The following NEBL variants were observed in gnomAD, a reference collection of about 807,000 sequenced individuals.
NEBL encodes LIM and SH3 protein 2.
NEBL carries 122 observed loss-of-function variants against 140.2 expected under a neutral mutation model. That is an observed-to-expected ratio of 0.87 (90% CI 0.75 to 1.01). NEBL has a LOEUF of 1.01. Among genes scored for constraint, NEBL ranks in the 50% least tolerant of loss-of-function variants. The pLI is 0.00. For missense variants in NEBL, 1,365 were observed against 1,231.3 expected (o/e 1.11, Z -1.62); for synonymous variants, 436 against 398.9 (o/e 1.09, Z -1.11).
chr10:20,812,144 C>A (rs1480630591), intron 24 of NEBL, among the ~76,000 whole-genome samples: 1 of 152,086 alleles, frequency 6.6e-6, no homozygotes, highest in Non-Finnish European at 1.5e-5. Flanking sequence ...ATAAAAGGAC[C>A]TAAACGCAAT....
chr10:21,193,102 A>G (rs1841599594), intron 3 of NEBL, among the ~76,000 whole-genome samples: 1 of 152,006 alleles, frequency 6.6e-6, no homozygotes. Flanking sequence ...AAATGCACTG[A>G]ACAAGCTCCC....
At chr10:21,172,346 C>T (rs1223197804) in intron 2 of NEBL, 2 of 1,512,348 alleles carry the variant, frequency 1.3e-6, no homozygotes, top group Non-Finnish European at 1.8e-6. Context: ...AGCTCTGAGG[C>T]TGTGCCACAC....
chr10:20,894,483 AAAG>A (rs1450150160), intron 2 of NEBL, among the ~76,000 whole-genome samples: 2 of 152,068 alleles, frequency 1.3e-5, no homozygotes, highest in African/African-American at 2.4e-5. Context: ...GAAAAATAAA[AAAG>A]AAGAAGGAAG....
chr10:21,140,435 AAAG>A (rs1454284824), intron 2 of NEBL, among the ~76,000 whole-genome samples: 5 of 152,362 alleles, frequency 3.3e-5, no homozygotes, highest in Non-Finnish European at 5.9e-5. Flanking sequence ...AAGTGATTAA[AAAG>A]AAGATTAGAC....
intron 1 of NEBL, among the ~76,000 whole-genome samples, chr10:21,260,892 A>G (rs1012819352): frequency 1.3e-5 from 2 of 152,214 alleles, no homozygotes; most frequent in African/African-American, 4.8e-5. Context: ...AGTGAAAGTT[A>G]AAAACATTAG....
At chr10:21,095,460 A>G (rs1267827463) in intron 2 of NEBL, among the ~76,000 whole-genome samples, 2 of 152,228 alleles carry the variant, frequency 1.3e-5, no homozygotes, top group Admixed American at 6.5e-5. Flanking sequence ...GGAAATGCTG[A>G]GTTAAGGGTG....
At chr10:21,057,762 T>C (rs928200761) in intron 2 of NEBL, among the ~76,000 whole-genome samples, 7 of 152,156 alleles carry the variant, frequency 4.6e-5, no homozygotes, top group Non-Finnish European at 1.0e-4. Flanking sequence ...AATTTTGCCA[T>C]GTTGCCCAGG....
upstream of NEBL, among the ~76,000 whole-genome samples, chr10:20,901,128 G>GA (rs1050347156): frequency 6.6e-6 from 1 of 152,148 alleles, no homozygotes; most frequent in Non-Finnish European, 1.5e-5. Context: ...CATTTGGCAT[G>GA]AAAAGGTCTT....
At chr10:21,004,807 A>T (rs778601493) in intron 3 of NEBL, among the ~76,000 whole-genome samples, 1 of 152,228 alleles carries the variant, frequency 6.6e-6, no homozygotes, top group Non-Finnish European at 1.5e-5. Context: ...ATGAATGAGC[A>T]TTCTCACCAT....
Position 21,058,076 on chromosome 10 carries a change from A to G in NEBL, c.165-37875T>C, listed in dbSNP as rs187514835. Among the ~76,000 whole-genome samples, 41 of 152,328 alleles carry G rather than the reference A, an allele frequency of 2.7e-4. 1 individual carries two copies. The highest frequency in any genetic ancestry group is 8.9e-4 in the African/African-American group (37 of 41,574). ...TACAGCCAGTTGCAATCAGCTCAGC[A>G]TGTTTTCTCAGAAATGATACTACTA... On this transcript the variant is annotated intron_variant, in intron 2 of 6. Coordinates refer to the NEBL transcript ENST00000417816.
At chr10:20,996,796 T>C (rs1406702508) in intron 3 of NEBL, among the ~76,000 whole-genome samples, 1 of 152,214 alleles carries the variant, frequency 6.6e-6, no homozygotes, top group African/African-American at 2.4e-5. Flanking sequence ...TCAAGACTAA[T>C]GGTAAATCTA....
chr10:21,120,268 T>G (rs4275522), intron 2 of NEBL, among the ~76,000 whole-genome samples: 1 of 149,288 alleles, frequency 6.7e-6, no homozygotes, highest in African/African-American at 2.5e-5. Context: ...CCAGCTACTC[T>G]GGAGGCTGAG....
chr10:20,862,018 T>C (rs1432075303), intron 7 of NEBL, among the ~76,000 whole-genome samples: 2 of 152,180 alleles, frequency 1.3e-5, no homozygotes, highest in Non-Finnish European at 2.9e-5. Flanking sequence ...CAAGCCTGTT[T>C]TACACACGTT....
chr10:21,103,720 C>A (rs1190493406), intron 2 of NEBL, among the ~76,000 whole-genome samples: 1 of 125,600 alleles, frequency 8.0e-6, no homozygotes, highest in Admixed American at 7.3e-5. Context: ...CAAATATTTT[C>A]TCCTATTCTC....
intron 3 of NEBL, among the ~76,000 whole-genome samples, chr10:21,212,377 C>T (rs1841932035): frequency 6.6e-6 from 1 of 152,038 alleles, no homozygotes; most frequent in African/African-American, 2.4e-5. Flanking sequence ...CAATCCTGGC[C>T]CCAACTTTCC....
At chr10:21,211,426 A>G (rs899297409) in intron 3 of NEBL, among the ~76,000 whole-genome samples, 5 of 152,162 alleles carry the variant, frequency 3.3e-5, no homozygotes, top group African/African-American at 1.2e-4. Flanking sequence ...GGCTACAGTG[A>G]GCTGTGACCT....
intron 5 of NEBL, among the ~76,000 whole-genome samples, chr10:20,870,968 T>C (rs1281108518): frequency 1.3e-5 from 2 of 152,232 alleles, no homozygotes; most frequent in African/African-American, 4.8e-5. Flanking sequence ...CACTTCTTTA[T>C]TTCTTGCGAT....
At chr10:20,964,045 G>A (rs1417235048) in intron 3 of NEBL, among the ~76,000 whole-genome samples, 8 of 152,108 alleles carry the variant, frequency 5.3e-5, no homozygotes, top group Admixed American at 5.2e-4. Flanking sequence ...GGTATCAGAT[G>A]GTTTGTCAGT....
In NEBL at chr10:20,827,095, C is replaced by A. The variant is rs767208007; in HGVS notation, c.1777-556G>T. ...TGTCTCCACCCCTACTAACGTCTAC[C>A]CTTCCAAACCCAAAGCAGAACAAAA... On this transcript the variant is annotated intron_variant, in intron 17 of 27. Transcript: ENST00000377122. Among the ~76,000 whole-genome samples, 4 of 152,260 alleles carry A rather than the reference C, an allele frequency of 2.6e-5. No individual in the cohort carries two copies. In the East Asian group the frequency reaches 7.7e-4, roughly 29 times the overall value.
Sources: allele counts gnomAD v4.1 joint callset (sites outside exome capture counted in the v4.1 genomes callset), GRCh38; gene constraint gnomAD v4.1.1; transcripts MANE v1.5; gene names NCBI Gene and HGNC (gene_info 2026-07-23, HGNC 2026-07-21).